Variants in HDAC4 observed in about 807,000 individuals in gnomAD.
HDAC4 encodes histone deacetylase 4.
HDAC4 carries 16 observed loss-of-function variants against 135.1 expected under a neutral mutation model. That is an observed-to-expected ratio of 0.12 (90% CI 0.08 to 0.18). HDAC4 has a LOEUF of 0.18. Ranked by LOEUF, HDAC4 falls within the 10% of genes least tolerant of loss-of-function variation. The pLI, the probability that HDAC4 is intolerant of heterozygous loss-of-function variation, is 1.00. For synonymous variants in HDAC4, 685 were observed against 653.4 expected (o/e 1.05, Z -0.74); for missense variants, 1,143 against 1,511.8 (o/e 0.76, Z 4.05).
At chr2:239,357,542 T>C (rs1575743887) in intron 1 of HDAC4, among the ~76,000 whole-genome samples, 1 of 151,216 alleles carries the variant, frequency 6.6e-6, no homozygotes. Flanking sequence ...ATTGATAAAC[T>C]TCTAGCAGAG....
chr2:239,238,534 T>C (rs2048012865), intron 2 of HDAC4, among the ~76,000 whole-genome samples: 1 of 152,096 alleles, frequency 6.6e-6, no homozygotes, highest in African/African-American at 2.4e-5. Context: ...ACGCCCAACC[T>C]TAGCTTCCAC....
intron 3 of HDAC4, among the ~76,000 whole-genome samples, chr2:239,228,471 G>A (rs1269869802): frequency 2.0e-5 from 3 of 152,164 alleles, no homozygotes; most frequent in African/African-American, 7.2e-5. Context: ...CGTGAAAGGT[G>A]GTGTTCTTGG....
intron 1 of HDAC4, among the ~76,000 whole-genome samples, chr2:239,395,482 T>C (rs180971313): frequency 6.7e-4 from 102 of 152,360 alleles, no homozygotes; most frequent in African/African-American, 2.4e-3. Flanking sequence ...ATTTATCAAC[T>C]TGCCAAGGAC....
chr2:239,052,884 C>CT lies in HDAC4; in HGVS notation c.*212_*213insA, dbSNP rs2106381661. 1.6e-6 allele frequency: 1 copy of CT among 618,930 alleles called. No individual in the cohort carries two copies. The highest frequency in any genetic ancestry group is 1.8e-5 in the African/African-American group (1 of 54,634). The allele number at this position is 618,930 out of a possible 1,614,324, so 38.3% of individuals were successfully genotyped here. A position where few individuals can be genotyped will look rare whatever the true frequency, so the allele number is the denominator to read the frequency against. On this transcript the variant is annotated 3_prime_UTR_variant, in exon 27 of 27. Coordinates refer to ENST00000543185, the MANE Select transcript of HDAC4 (RefSeq NM_001378414.1). ...GCGTCGCCGGCGTCTGTCCCGTGTTCCCTGTGAGGCTGCCACGCCCAGGCG... is the reference window on the plus strand; with the variant it reads ...GCGTCGCCGGCGTCTGTCCCGTGTTCTCCTGTGAGGCTGCCACGCCCAGGCG...
At chr2:239,071,351 G>A (rs532053491) in intron 22 of HDAC4, among the ~76,000 whole-genome samples, 152 of 152,212 alleles carry the variant, frequency 1.0e-3, no homozygotes, top group African/African-American at 3.6e-3. Flanking sequence ...GGAGGCAGAG[G>A]TTGCAGTGAG....
intron 1 of HDAC4, among the ~76,000 whole-genome samples, chr2:239,379,568 C>T (rs923396785): frequency 3.9e-5 from 6 of 152,124 alleles, no homozygotes; most frequent in African/African-American, 1.4e-4. Context: ...GGCCCAGTGC[C>T]CGCCCTGCTC....
intron 12 of HDAC4, among the ~76,000 whole-genome samples, chr2:239,124,602 G>T (rs1007394991): frequency 1.5e-5 from 2 of 129,372 alleles, no homozygotes; most frequent in Non-Finnish European, 3.0e-5. Flanking sequence ...GTCATTCCAC[G>T]TTATATGACA....
intron 7 of HDAC4, among the ~76,000 whole-genome samples, chr2:239,155,324 C>T (rs77533052): frequency 0.085 from 12,917 of 151,936 alleles, 604 homozygotes; most frequent in East Asian, 0.18. Flanking sequence ...TGGGACATGG[C>T]CAGCCCAATA....
At chr2:239,337,758 G>A (rs1231758282) in intron 2 of HDAC4, among the ~76,000 whole-genome samples, 1 of 152,178 alleles carries the variant, frequency 6.6e-6, no homozygotes, top group Non-Finnish European at 1.5e-5. Flanking sequence ...GCGTGACAAA[G>A]CTTTCCAGGA....
chr2:239,393,796 T>C (rs192035234), intron 1 of HDAC4, among the ~76,000 whole-genome samples: 85 of 152,318 alleles, frequency 5.6e-4, no homozygotes, highest in African/African-American at 2.0e-3. Context: ...CCAGTTTTCC[T>C]GATCAAGCCT....
intron 14 of HDAC4, 50 bp from the exon 15 acceptor site, chr2:239,108,233 G>A (rs746289043): frequency 3.1e-5 from 48 of 1,562,376 alleles, no homozygotes; most frequent in African/African-American, 4.1e-5. Context: ...GGGGCGAGCC[G>A]ACCACCCACT....
In HDAC4 at chr2:239,313,977, C is replaced by G. The variant is rs995100983; in HGVS notation, c.22+38701G>C. On this transcript the variant is annotated intron_variant, in intron 2 of 26. Transcript: ENST00000543185. The surrounding 1 kb of genome is among the most constrained non-coding windows in gnomAD (Gnocchi z 5.1). The stretch of plus-strand genomic sequence containing the variant: ...CAGGGGAAGCCAGAAGACAGGCCTG[C>G]AAGGGACACATCCGGGCCTGGGCTT... 1.3e-5 allele frequency among the ~76,000 whole-genome samples: 2 copies of G among 152,142 alleles called. No homozygotes were observed. Among genetic ancestry groups the G allele is most frequent in the African/African-American group, 2.4e-5 (1 of 41,424 alleles).
chr2:239,135,978 A>C (rs369313360), intron 9 of HDAC4, among the ~76,000 whole-genome samples: 1 of 152,354 alleles, frequency 6.6e-6, no homozygotes, highest in East Asian at 1.9e-4. Context: ...AACAGTCTCC[A>C]AGGACTTGAA....
In HDAC4 at chr2:239,331,810, C is replaced by T. The variant is rs1047379159; in HGVS notation, c.22+20868G>A. Reference sequence around the variant, plus strand: ...AAGGGAGGTGGAAAGAGGGCACACTCGGCCCGCGTGTCCTCCAGAGGCTGA... The same window carrying T: ...AAGGGAGGTGGAAAGAGGGCACACTTGGCCCGCGTGTCCTCCAGAGGCTGA... On this transcript the variant is annotated intron_variant, in intron 2 of 26. Coordinates refer to ENST00000543185, the MANE Select transcript of HDAC4 (RefSeq NM_001378414.1). This position sits in a 1 kb window ranked among gnomAD's most constrained non-coding sequence, Gnocchi z 4.5. Among the ~76,000 whole-genome samples the T allele has an allele frequency of 6.6e-6, 1 of 152,144 alleles. No individual in the cohort carries two copies. Among genetic ancestry groups the T allele is most frequent in the Non-Finnish European group, 1.5e-5 (1 of 68,040 alleles).
At chr2:239,374,386 C>CGCT (rs1694847282) in intron 1 of HDAC4, among the ~76,000 whole-genome samples, 2 of 56,666 alleles carry the variant, frequency 3.5e-5, no homozygotes, top group African/African-American at 1.6e-4. Flanking sequence ...GAAAACAAGG[C>CGCT]TTTTTTTTTT....
chr2:239,077,653 C>T (rs754730542), intron 22 of HDAC4, among the ~76,000 whole-genome samples: 5 of 152,200 alleles, frequency 3.3e-5, no homozygotes, highest in South Asian at 2.1e-4. Flanking sequence ...GAAGGTGGCA[C>T]GGTCTGTATG....
At chr2:239,207,109 A>T (rs1453163862) in intron 3 of HDAC4, among the ~76,000 whole-genome samples, 1 of 152,082 alleles carries the variant, frequency 6.6e-6, no homozygotes, top group Non-Finnish European at 1.5e-5. Context: ...TATGCCTGTA[A>T]TTCTCTACAA....
intron 3 of HDAC4, among the ~76,000 whole-genome samples, chr2:239,233,738 A>G (rs1355574183): frequency 2.6e-5 from 4 of 152,354 alleles, no homozygotes; most frequent in South Asian, 4.1e-4. Flanking sequence ...GAAACAGGAC[A>G]GATCAACAGT....
In HDAC4 at chr2:239,309,431, C is replaced by T. The variant is rs13405743; in HGVS notation, c.22+43247G>A. 0.099 allele frequency among the ~76,000 whole-genome samples: 15,035 copies of T among 152,250 alleles called. 1,341 individuals carry two copies. Among genetic ancestry groups the T allele is most frequent in the East Asian group, 0.42 (2,134 of 5,136 alleles). On this transcript the variant is annotated intron_variant, in intron 2 of 26. Coordinates refer to ENST00000543185, the MANE Select transcript of HDAC4 (RefSeq NM_001378414.1). The surrounding 1 kb of genome is among the most constrained non-coding windows in gnomAD (Gnocchi z 4.2). ...GAAACCCAGCACCTACAGCAAATGC[C>T]CAAGGAAGCAAGAAGCGGGACCCCG...
Sources: gnomAD v4.1 joint callset for allele counts (sites outside exome capture counted in the v4.1 genomes callset) on GRCh38, gnomAD v4.1.1 for gene constraint, Gnocchi (gnomAD v3.1) non-coding constraint, MANE v1.5 for transcripts, NCBI Gene and HGNC (gene_info 2026-07-23, HGNC 2026-07-21) for gene names.